SAMD12: variants seen among roughly 807,000 people sequenced by gnomAD.
SAMD12 encodes sterile alpha motif domain-containing protein 12.
SAMD12 carries 9 observed loss-of-function variants against 15.0 expected under a neutral mutation model. The ratio of observed to expected loss-of-function variants is 0.60; its 90% CI spans 0.36 to 1.05. SAMD12 has a LOEUF of 1.05. SAMD12 is among the 50% of genes least tolerant of loss of function. SAMD12 has a pLI of 0.01. For missense variants in SAMD12, 230 were observed against 234.2 expected, an observed-to-expected ratio of 0.98 and a Z score of 0.12; for synonymous variants, 86 against 90.1, an observed-to-expected ratio of 0.96 and a Z score of 0.25.
At chr8:118,347,248 G>C (rs73325624) in intron 4 of SAMD12, among the ~76,000 whole-genome samples, 6,352 of 152,268 alleles carry the variant, frequency 0.042, 436 homozygotes, top group African/African-American at 0.14. Context: ...AAGGTTTTTA[G>C]TGGGGATCCT....
At chr8:118,490,454 T>G (rs1452038428) in intron 2 of SAMD12, among the ~76,000 whole-genome samples, 2 of 152,300 alleles carry the variant, frequency 1.3e-5, no homozygotes, top group Middle Eastern at 3.4e-3. Flanking sequence ...TATGGAAATG[T>G]GAATAAAGTT....
chr8:118,238,146 A>C (rs1201783547), intron 4 of SAMD12, among the ~76,000 whole-genome samples: 2 of 152,094 alleles, frequency 1.3e-5, no homozygotes, highest in South Asian at 4.1e-4. Flanking sequence ...CTGTTTCCTC[A>C]TCTATAAAAT....
chr8:118,211,051 C>T (rs1811807915), intron 4 of SAMD12, among the ~76,000 whole-genome samples: 1 of 152,154 alleles, frequency 6.6e-6, no homozygotes, highest in Non-Finnish European at 1.5e-5. Context: ...CACTACTGCA[C>T]GATGTCCTGC....
intron 2 of SAMD12, among the ~76,000 whole-genome samples, chr8:118,473,569 A>G (rs1406055615): frequency 6.6e-6 from 1 of 152,186 alleles, no homozygotes; most frequent in African/African-American, 2.4e-5. Flanking sequence ...CTTTCCAGAC[A>G]AAATCCAAAC....
intron 2 of SAMD12, among the ~76,000 whole-genome samples, chr8:118,527,592 A>C (rs907542212): frequency 3.9e-5 from 6 of 152,218 alleles, no homozygotes; most frequent in African/African-American, 1.4e-4. Flanking sequence ...AATAATGCTG[A>C]ATAATAATAG....
At chr8:118,424,383 ATTTAAT>A (rs1400460877) in intron 3 of SAMD12, among the ~76,000 whole-genome samples, 1 of 152,166 alleles carries the variant, frequency 6.6e-6, no homozygotes, top group Non-Finnish European at 1.5e-5. Context: ...TATTATCATA[ATTTAAT>A]TTTAGGGAAA....
chr8:118,362,637 T>C (rs1818565182), intron 4 of SAMD12, among the ~76,000 whole-genome samples: 1 of 152,190 alleles, frequency 6.6e-6, no homozygotes, highest in Non-Finnish European at 1.5e-5. Context: ...GTTTCTCTAA[T>C]AGAACTTGGA....
the SAMD12 span, among the ~76,000 whole-genome samples, chr8:118,165,994 G>T: frequency 6.6e-6 from 1 of 151,886 alleles, no homozygotes; most frequent in African/African-American, 2.4e-5. Flanking sequence ...TTTCAGTTCC[G>T]TGCAATAAAT....
chr8:118,283,520 T>G (rs1302415893), intron 4 of SAMD12, among the ~76,000 whole-genome samples: 5 of 152,196 alleles, frequency 3.3e-5, no homozygotes, highest in African/African-American at 4.8e-5. Context: ...TAAGTGGCCT[T>G]GTAATCCTCC....
At chr8:118,368,263 C>T (rs1007868082) in intron 4 of SAMD12, among the ~76,000 whole-genome samples, 1 of 152,122 alleles carries the variant, frequency 6.6e-6, no homozygotes, top group African/African-American at 2.4e-5. Flanking sequence ...ACGTGATTCG[C>T]AGATCATAAT....
At chr8:118,415,359 G>C (rs1821629290) in intron 3 of SAMD12, among the ~76,000 whole-genome samples, 2 of 151,972 alleles carry the variant, frequency 1.3e-5, no homozygotes, top group Non-Finnish European at 2.9e-5. Context: ...ACACCACCAT[G>C]CGAACCCTGT....
At chr8:118,246,209 C>T (rs1586381252) in intron 4 of SAMD12, among the ~76,000 whole-genome samples, 1 of 152,096 alleles carries the variant, frequency 6.6e-6, no homozygotes. Context: ...ATCTGTTATT[C>T]TTTTCACCAT....
At chr8:118,468,902 T>A (rs927052015) in intron 2 of SAMD12, among the ~76,000 whole-genome samples, 1 of 152,222 alleles carries the variant, frequency 6.6e-6, no homozygotes, top group East Asian at 1.9e-4. Flanking sequence ...AAGGCAAAGT[T>A]TTAATCCAAA....
chr8:118,485,183 C>G (rs1824242302), intron 2 of SAMD12, among the ~76,000 whole-genome samples: 3 of 150,992 alleles, frequency 2.0e-5, no homozygotes, highest in Non-Finnish European at 4.4e-5. Context: ...TGTTAGTAAA[C>G]CAGATGGCCT....
At chr8:118,288,214 CTTAT>C (rs1337412904) in intron 4 of SAMD12, 1 of 152,166 alleles carries the variant, frequency 6.6e-6, no homozygotes, top group African/African-American at 2.4e-5. Context: ...CTGCAATATA[CTTAT>C]TTATTATCCC....
chr8:118,524,483 G>A (rs192686654), intron 2 of SAMD12, among the ~76,000 whole-genome samples: 7 of 151,996 alleles, frequency 4.6e-5, no homozygotes, highest in Admixed American at 4.6e-4. Context: ...AGTCACTGCA[G>A]CTCTGCTCTT....
intron 2 of SAMD12, among the ~76,000 whole-genome samples, chr8:118,492,480 G>T (rs772942451): frequency 6.6e-6 from 1 of 152,076 alleles, no homozygotes; most frequent in Non-Finnish European, 1.5e-5. Flanking sequence ...AAAGTTACTC[G>T]ATATGGTAGG....
At chr8:118,398,532 G>A (rs191437053) in intron 3 of SAMD12, among the ~76,000 whole-genome samples, 59 of 152,256 alleles carry the variant, frequency 3.9e-4, no homozygotes, top group Non-Finnish European at 8.1e-4. Context: ...CTGCTGCCTG[G>A]TCTTTCTCTG....
intron 2 of SAMD12, among the ~76,000 whole-genome samples, chr8:118,477,587 T>C (rs1823995286): frequency 6.6e-6 from 1 of 152,238 alleles, no homozygotes; most frequent in African/African-American, 2.4e-5. Flanking sequence ...AATTTATATG[T>C]ATGGCTCAAA....
Sources: allele counts gnomAD v4.1 joint callset (sites outside exome capture counted in the v4.1 genomes callset), GRCh38; gene constraint gnomAD v4.1.1; transcripts MANE v1.5; gene names NCBI Gene and HGNC (gene_info 2026-07-23, HGNC 2026-07-21).